TMEM163: variants seen among roughly 807,000 people sequenced by gnomAD.
The protein encoded by TMEM163 is transmembrane protein 163.
TMEM163 carries 17 observed loss-of-function variants against 29.3 expected under a neutral mutation model. The observed-to-expected ratio is 0.58, with a 90% CI of 0.40 to 0.87. The LOEUF is 0.87. Ranked by LOEUF, TMEM163 falls within the 40% of genes least tolerant of loss-of-function variation. The probability of loss-of-function intolerance (pLI) is 0.00; values close to 1 mark genes in which losing one functional copy is unlikely to be tolerated. For missense variants in TMEM163, 303 were observed against 381.5 expected (o/e 0.79, Z 1.71); for synonymous variants, 157 against 160.6 (o/e 0.98, Z 0.17).
chr2:134,703,709 C>T (rs751307162), intron 2 of TMEM163, among the ~76,000 whole-genome samples: 36 of 151,774 alleles, frequency 2.4e-4, no homozygotes, highest in Non-Finnish European at 8.8e-5. Context: ...CTGTTATTTA[C>T]ACAAGTAAAT....
chr2:134,528,876 A>G (rs950310918), intron 4 of TMEM163, among the ~76,000 whole-genome samples: 2 of 152,238 alleles, frequency 1.3e-5, no homozygotes, highest in South Asian at 4.1e-4. Flanking sequence ...TTGGGTATTT[A>G]AGGTGAATGG....
chr2:134,570,251 T>A (rs907992132), intron 2 of TMEM163, among the ~76,000 whole-genome samples: 1 of 152,174 alleles, frequency 6.6e-6, no homozygotes. Flanking sequence ...AAAAGAAACT[T>A]GTGCTAGGTT....
intron 4 of TMEM163, among the ~76,000 whole-genome samples, chr2:134,542,277 C>G (rs993437621): frequency 1.3e-5 from 2 of 152,246 alleles, no homozygotes; most frequent in Non-Finnish European, 2.9e-5. Context: ...TGGCAGCTGT[C>G]GTGACCCTCC....
At chr2:134,614,535 T>C (rs1459691087) in intron 2 of TMEM163, among the ~76,000 whole-genome samples, 2 of 152,198 alleles carry the variant, frequency 1.3e-5, no homozygotes, top group East Asian at 1.9e-4. Context: ...CAGTAAAAGA[T>C]TGATAAATTG....
chr2:134,706,304 C>A (rs1684810333), intron 2 of TMEM163, among the ~76,000 whole-genome samples: 1 of 152,114 alleles, frequency 6.6e-6, no homozygotes, highest in South Asian at 2.1e-4. Context: ...GGGATCTCTA[C>A]CTGCAAATGT....
In TMEM163 at chr2:134,550,802, G is replaced by C. The variant is rs1352142213; in HGVS notation, c.367-141C>G. The C allele has an allele frequency of 6.6e-6, 5 of 759,068 alleles. No homozygotes were observed. The African/African-American group carries it at 6.9e-5, about 10-fold the overall frequency. 47.0% of individuals were successfully genotyped at this position (759,068 alleles called of 1,614,324 possible). A position where few individuals can be genotyped will look rare whatever the true frequency, so the allele number is the denominator to read the frequency against. On this transcript the variant is annotated intron_variant, in intron 3 of 7. Transcript: ENST00000281924. ...AGAGGTCTCCCATCATTACGACGCA[G>C]CCACTTACTGCCCTCATGCCTGGGG...
Position 134,645,727 on chromosome 2 carries a change from T to C in TMEM163, c.322+67473A>G, listed in dbSNP as rs572731067. Among the ~76,000 whole-genome samples, 3 of 152,300 alleles carry C rather than the reference T, an allele frequency of 2.0e-5. No individual in the cohort carries two copies. The South Asian group carries it at 6.2e-4, about 32-fold the overall frequency. On this transcript the variant is annotated intron_variant, in intron 2 of 7. Transcript: ENST00000281924. Reference sequence around the variant, plus strand: ...AAGAAGACAATCTCAAAAGGTTATATACTATACAATTTCATTATATGACAT... The same window carrying C: ...AAGAAGACAATCTCAAAAGGTTATACACTATACAATTTCATTATATGACAT...
Position 134,634,001 on chromosome 2 carries a change from ATATATATATATATATATAT to A in TMEM163, c.322+79180_322+79198del, listed in dbSNP as rs1558971871. Among the ~76,000 whole-genome samples the A allele has an allele frequency of 1.4e-3, 42 of 29,596 alleles. 2 individuals are homozygous for A. The highest frequency in any genetic ancestry group is 5.3e-3 in the African/African-American group (38 of 7,234). 19.4% of individuals were successfully genotyped at this position (29,596 alleles called of 152,430 possible). ...TATATATATATATATATATATATAT[ATATATATATATATATATAT>A]AATAGGACTGTTTTAAGATGCAAAA... On this transcript the variant is annotated intron_variant, in intron 2 of 7. Coordinates refer to ENST00000281924, the MANE Select transcript of TMEM163 (RefSeq NM_030923.5).
At chr2:134,632,585 G>C (rs1162600409) in intron 2 of TMEM163, among the ~76,000 whole-genome samples, 1 of 152,180 alleles carries the variant, frequency 6.6e-6, no homozygotes, top group Admixed American at 6.5e-5. Flanking sequence ...TGTCTGATGA[G>C]GACCTGCTCT....
intron 5 of TMEM163, among the ~76,000 whole-genome samples, chr2:134,494,454 C>T (rs7565548): frequency 0.024 from 3,670 of 152,224 alleles, 150 homozygotes; most frequent in African/African-American, 0.084. Context: ...TTGCTGACGG[C>T]GGATCTCGGA....
intron 2 of TMEM163, among the ~76,000 whole-genome samples, chr2:134,705,601 C>A (rs1558998769): frequency 6.6e-6 from 1 of 152,168 alleles, no homozygotes; most frequent in East Asian, 1.9e-4. Flanking sequence ...CCTTCCTACC[C>A]CGGCTTCCTC....
chr2:134,590,828 AG>A (rs1681919512), intron 2 of TMEM163, among the ~76,000 whole-genome samples: 1 of 152,192 alleles, frequency 6.6e-6, no homozygotes, highest in East Asian at 1.9e-4. Context: ...GCAGGCAGTT[AG>A]GATAGGTCCT....
chr2:134,713,376 C>T (rs1020988490), intron 1 of TMEM163, 57 bp from the exon 2 acceptor site: 9 of 1,605,252 alleles, frequency 5.6e-6, no homozygotes, highest in South Asian at 3.3e-5. Context: ...AAACCCACAG[C>T]GAGAGCTACA....
In TMEM163 at chr2:134,493,871, C is replaced by T. The variant is rs146227841; in HGVS notation, c.555+9030G>A. Among the ~76,000 whole-genome samples the T allele has an allele frequency of 5.3e-4, 80 of 152,276 alleles. 1 individual carries two copies. The East Asian group carries it at 0.014, about 27-fold the overall frequency. Reference sequence around the variant, plus strand: ...GATCCAGCACCATTTGTTGAGGAGACTTTCCTTTCCCCCATTGAATTACCT... The same window carrying T: ...GATCCAGCACCATTTGTTGAGGAGATTTTCCTTTCCCCCATTGAATTACCT... On this transcript the variant is annotated intron_variant, in intron 5 of 7. Coordinates refer to ENST00000281924, the MANE Select transcript of TMEM163 (RefSeq NM_030923.5).
At chr2:134,613,890 G>A (rs935723880) in intron 2 of TMEM163, among the ~76,000 whole-genome samples, 3 of 152,146 alleles carry the variant, frequency 2.0e-5, no homozygotes, top group African/African-American at 7.2e-5. Flanking sequence ...ACACAGTAAA[G>A]GTGTCAATTT....
chr2:134,613,371 T>G (rs1433953613), intron 2 of TMEM163, among the ~76,000 whole-genome samples: 1 of 152,136 alleles, frequency 6.6e-6, no homozygotes, highest in African/African-American at 2.4e-5. Flanking sequence ...ACTTCCAAAA[T>G]TTGAGGAAAA....
At chr2:134,577,627 T>C (rs1369473823) in intron 2 of TMEM163, among the ~76,000 whole-genome samples, 1 of 152,160 alleles carries the variant, frequency 6.6e-6, no homozygotes, top group East Asian at 1.9e-4. Flanking sequence ...TCTCTCCTTT[T>C]CACACTGCAG....
intron 2 of TMEM163, among the ~76,000 whole-genome samples, chr2:134,700,461 T>A (rs1415375010): frequency 2.6e-5 from 4 of 152,236 alleles, no homozygotes; most frequent in Non-Finnish European, 5.9e-5. Flanking sequence ...TAGTTATTCC[T>A]CATTGGTTTC....
chr2:134,561,215 T>G (rs1231169572), intron 2 of TMEM163, among the ~76,000 whole-genome samples: 1 of 152,184 alleles, frequency 6.6e-6, no homozygotes, highest in African/African-American at 2.4e-5. Flanking sequence ...TTATTTTTGT[T>G]GTTGTTGAGA....
Sources: gnomAD v4.1 joint callset for allele counts (sites outside exome capture counted in the v4.1 genomes callset) on GRCh38, gnomAD v4.1.1 for gene constraint, MANE v1.5 for transcripts, NCBI Gene and HGNC (gene_info 2026-07-23, HGNC 2026-07-21) for gene names.